Variants in PGAP4 observed in about 807,000 individuals in gnomAD.
The protein encoded by PGAP4 is post-GPI attachment to proteins GalNAc transferase 4.
A neutral mutation model predicts 28.2 loss-of-function variants in PGAP4; 12 were observed. That is an observed-to-expected ratio of 0.42 (90% CI 0.27 to 0.69). PGAP4 has a LOEUF of 0.69. Among genes scored for constraint, PGAP4 ranks in the 30% least tolerant of loss-of-function variants. The probability of loss-of-function intolerance (pLI) is 0.22; values close to 1 mark genes in which losing one functional copy is unlikely to be tolerated. For missense variants in PGAP4, 425 were observed against 513.5 expected (o/e 0.83, Z 1.67); for synonymous variants, 205 against 211.8 (o/e 0.97, Z 0.28).
At chr9:101,524,576 A>G (rs921460137) in intron 2 of PGAP4, among the ~76,000 whole-genome samples, 5 of 151,534 alleles carry the variant, frequency 3.3e-5, no homozygotes, top group Non-Finnish European at 5.9e-5. Context: ...TCCTCTGTCT[A>G]CTCTCCCGAT....
intron 2 of PGAP4, among the ~76,000 whole-genome samples, chr9:101,514,092 C>T (rs1826922549): frequency 1.3e-5 from 2 of 152,080 alleles, no homozygotes; most frequent in Non-Finnish European, 2.9e-5. Context: ...CCACTCAGTC[C>T]ACTGATTCTT....
At chr9:101,508,064 C>T (rs1826863376) in intron 2 of PGAP4, among the ~76,000 whole-genome samples, 1 of 151,672 alleles carries the variant, frequency 6.6e-6, no homozygotes, top group Non-Finnish European at 1.5e-5. Context: ...GGTAACCTCT[C>T]AATCAGTCAT....
chr9:101,484,857 G>C (rs986971008), intron 1 of PGAP4, among the ~76,000 whole-genome samples: 1 of 152,178 alleles, frequency 6.6e-6, no homozygotes, highest in Non-Finnish European at 1.5e-5. Context: ...AAAATGTACA[G>C]AGATATGACC....
intron 1 of PGAP4, 42 bp from the exon 2 acceptor site, chr9:101,477,211 A>AAAAAAAAC: frequency 6.4e-6 from 8 of 1,245,988 alleles, no homozygotes; most frequent in South Asian, 1.9e-5. Context: ...GTAACTTAAA[A>AAAAAAAAC]AAACAAACAA....
At chr9:101,508,122 G>T (rs1185078966) in intron 2 of PGAP4, among the ~76,000 whole-genome samples, 1 of 116,772 alleles carries the variant, frequency 8.6e-6, no homozygotes, top group African/African-American at 3.5e-5. Flanking sequence ...AATCCTTTTT[G>T]AGTGTTTTTT....
At chr9:101,520,555 G>A (rs1428362317) in intron 2 of PGAP4, among the ~76,000 whole-genome samples, 1 of 152,154 alleles carries the variant, frequency 6.6e-6, no homozygotes, top group Non-Finnish European at 1.5e-5. Context: ...ACTTATTTGT[G>A]TACATTAATG....
chr9:101,516,394 C>G (rs1350037808), intron 2 of PGAP4, among the ~76,000 whole-genome samples: 1 of 152,158 alleles, frequency 6.6e-6, no homozygotes, highest in Non-Finnish European at 1.5e-5. Context: ...TCAATTCACG[C>G]TAATTTCTGA....
At chr9:101,485,564 C>G (rs1054110659) in intron 1 of PGAP4, among the ~76,000 whole-genome samples, 4 of 152,096 alleles carry the variant, frequency 2.6e-5, no homozygotes, top group South Asian at 2.1e-4. Context: ...GAAGAATTAA[C>G]AATCAACTCA....
At position 101,494,982 on chromosome 9, in the gene PGAP4, T is replaced by C. The variant is rs796952689; in HGVS notation, c.-164-5782A>G. 2.0e-5 allele frequency among the ~76,000 whole-genome samples: 3 copies of C among 149,194 alleles called. No homozygotes were observed. In the South Asian group the frequency reaches 6.3e-4, roughly 31 times the overall value. On this transcript the variant is annotated intron_variant, in intron 2 of 3. Transcript: ENST00000374851. ...ATTAATATAACAAACAAATTATCAC[T>C]GATAACATTAGATTTTTATGAATTT... is the stretch of plus-strand genomic sequence containing the variant.
At chr9:101,523,421 T>C (rs958740521) in intron 2 of PGAP4, among the ~76,000 whole-genome samples, 2 of 151,834 alleles carry the variant, frequency 1.3e-5, no homozygotes, top group Admixed American at 6.6e-5. Context: ...TTCTTTGTCT[T>C]TGTTGGATTG....
intron 2 of PGAP4, among the ~76,000 whole-genome samples, chr9:101,523,504 T>C (rs1449331368): frequency 6.6e-6 from 1 of 151,618 alleles, no homozygotes; most frequent in African/African-American, 2.4e-5. Flanking sequence ...TTGTTGAGAC[T>C]TTCCTGAGCA....
At chr9:101,482,998 T>C (rs1826528470) in intron 1 of PGAP4, among the ~76,000 whole-genome samples, 2 of 152,218 alleles carry the variant, frequency 1.3e-5, no homozygotes, top group African/African-American at 4.8e-5. Context: ...TGCTACCAAG[T>C]TGCAAGAGGA....
chr9:101,489,550 T>A (rs905950840), upstream of PGAP4, among the ~76,000 whole-genome samples: 29 of 152,230 alleles, frequency 1.9e-4, no homozygotes, highest in South Asian at 4.1e-4. Flanking sequence ...AGACATCCTA[T>A]GGGACCTGTC....
intron 2 of PGAP4, among the ~76,000 whole-genome samples, chr9:101,517,098 A>C (rs1826950044): frequency 6.6e-6 from 1 of 152,226 alleles, no homozygotes; most frequent in Non-Finnish European, 1.5e-5. Flanking sequence ...ATTTAACTAA[A>C]TTGCAGTAAC....
In PGAP4 at chr9:101,525,384, G is replaced by T. The variant is rs191951755; in HGVS notation, c.-165+5964C>A. Among the ~76,000 whole-genome samples the T allele has an allele frequency of 3.9e-3, 589 of 152,116 alleles. 2 individuals are homozygous for T. Among genetic ancestry groups the T allele is most frequent in the African/African-American group, 0.014 (562 of 41,508 alleles). On this transcript the variant is annotated intron_variant, in intron 2 of 3. Transcript: ENST00000374851. The stretch of plus-strand genomic sequence containing the variant: ...TGTGTACGTCTAAAATTGGTAATAC[G>T]TTGGTTTTAAATGTTTTTTTTTTCC...
intron 2 of PGAP4, among the ~76,000 whole-genome samples, chr9:101,501,468 TAAC>T (rs1439401546): frequency 6.6e-6 from 1 of 152,076 alleles, no homozygotes. Flanking sequence ...AGTTGGATAA[TAAC>T]TTTTTTTTTC....
chr9:101,496,849 GT>G (rs1368188843), intron 2 of PGAP4, among the ~76,000 whole-genome samples: 1 of 150,196 alleles, frequency 6.7e-6, no homozygotes, highest in African/African-American at 2.4e-5. Context: ...TGTTTTTATT[GT>G]TTTTTAATCT....
chr9:101,492,877 A>G (rs549210766), intron 2 of PGAP4, among the ~76,000 whole-genome samples: 8 of 152,194 alleles, frequency 5.3e-5, no homozygotes, highest in African/African-American at 1.9e-4. Context: ...CTGCTCTTCC[A>G]GTTTTAAGCT....
At chr9:101,527,249 A>C (rs1425652894) in intron 2 of PGAP4, among the ~76,000 whole-genome samples, 4 of 152,236 alleles carry the variant, frequency 2.6e-5, no homozygotes, top group African/African-American at 4.8e-5. Context: ...TTAGTCATCA[A>C]TGTAATCAGC....
Sources: gnomAD v4.1 joint callset for allele counts (sites outside exome capture counted in the v4.1 genomes callset) on GRCh38, gnomAD v4.1.1 for gene constraint, MANE v1.5 for transcripts, NCBI Gene and HGNC (gene_info 2026-07-23, HGNC 2026-07-21) for gene names.